The following TYW1B variants were observed in gnomAD, a reference collection of about 807,000 sequenced individuals.
The protein encoded by TYW1B is S-adenosyl-L-methionine-dependent tRNA 4-demethylwyosine synthase TYW1B.
A neutral mutation model predicts 86.9 loss-of-function variants in TYW1B; 73 were observed. That is an observed-to-expected ratio of 0.84 (90% CI 0.70 to 1.02). The LOEUF (loss-of-function observed/expected upper bound fraction) is 1.02, where lower values mean the gene tolerates loss of function less well. Ranked by LOEUF, TYW1B falls within the 50% of genes least tolerant of loss-of-function variation. TYW1B has a pLI of 0.00. For synonymous variants in TYW1B, 248 were observed against 292.8 expected (o/e 0.85, Z 1.56); for missense variants, 637 against 827.4 (o/e 0.77, Z 2.82).
chr7:72,590,017 T>G (rs1405222891), intron 13 of TYW1B, among the ~76,000 whole-genome samples: 1 of 152,198 alleles, frequency 6.6e-6, no homozygotes, highest in African/African-American at 2.4e-5. Context: ...AAGTATAAAT[T>G]TTAAAAATAT....
intron 13 of TYW1B, among the ~76,000 whole-genome samples, chr7:72,591,791 C>G (rs55962801): frequency 0.23 from 34,291 of 151,798 alleles, 4,523 homozygotes; most frequent in African/African-American, 0.37. Flanking sequence ...ATTGTTATAG[C>G]TTTGTTTTGT....
At chr7:72,773,934 G>A (rs542130774) in intron 7 of TYW1B, among the ~76,000 whole-genome samples, 13 of 151,774 alleles carry the variant, frequency 8.6e-5, no homozygotes, top group Admixed American at 5.3e-4. Flanking sequence ...GTGTGGTGGC[G>A]CATGCGTGTA....
At chr7:72,762,061 T>C (rs1364732208) in intron 7 of TYW1B, among the ~76,000 whole-genome samples, 2 of 152,104 alleles carry the variant, frequency 1.3e-5, no homozygotes, top group African/African-American at 2.4e-5. Context: ...AATTTTAAAA[T>C]TTGGTTACCT....
At chr7:72,704,890 TTC>T (rs141692163) in intron 10 of TYW1B, among the ~76,000 whole-genome samples, 98 of 152,002 alleles carry the variant, frequency 6.4e-4, no homozygotes, top group African/African-American at 2.3e-3. Context: ...TCTCTGCACT[TTC>T]TCTCTCTCTC....
intron 11 of TYW1B, among the ~76,000 whole-genome samples, chr7:72,678,046 G>C (rs1395184354): frequency 6.6e-6 from 1 of 152,046 alleles, no homozygotes; most frequent in Non-Finnish European, 1.5e-5. Flanking sequence ...CCTAGCCCAA[G>C]GTGAAGGTAA....
intron 10 of TYW1B, among the ~76,000 whole-genome samples, chr7:72,703,271 G>A (rs1369334700): frequency 1.5e-4 from 23 of 150,874 alleles, no homozygotes; most frequent in African/African-American, 5.6e-4. Context: ...TGATCTGCCC[G>A]CCTCGGCCTC....
At position 72,611,704 on chromosome 7, in the gene TYW1B, T is replaced by A. The variant is rs1554435957; in HGVS notation, c.1785+4968A>T. Among the ~76,000 whole-genome samples, 11 of 152,182 alleles carry A rather than the reference T, an allele frequency of 7.2e-5. No homozygotes were observed. In the South Asian group the frequency reaches 2.1e-3, roughly 29 times the overall value. Reference sequence around the variant, plus strand: ...TTTACTCATCTTTGTATTCTCAGAGTACCCAGCCCTCTGTATTCTCAGAAT... The same window carrying A: ...TTTACTCATCTTTGTATTCTCAGAGAACCCAGCCCTCTGTATTCTCAGAAT... On this transcript the variant is annotated intron_variant, in intron 13 of 13. Transcript: ENST00000620995.
Position 72,632,299 on chromosome 7 carries a change from ACGTG to A in TYW1B, c.1507-3306_1507-3303del, listed in dbSNP as rs369825922. ...TATATATACGTGTATATATATATAT[ACGTG>A]TATATATATTATATATATTATATAT... On this transcript the variant is annotated intron_variant, in intron 11 of 13. Transcript: ENST00000620995. Among the ~76,000 whole-genome samples, 119 of 64,850 alleles carry A rather than the reference ACGTG, an allele frequency of 1.8e-3. 5 individuals carry two copies. Among genetic ancestry groups the A allele is most frequent in the African/African-American group, 9.0e-3 (73 of 8,152 alleles). The allele number at this position is 64,850 out of a possible 152,430, so 42.5% of individuals were successfully genotyped here. A position where few individuals can be genotyped will look rare whatever the true frequency, so the allele number is the denominator to read the frequency against.
At chr7:72,676,395 A>T (rs2129569822) in intron 11 of TYW1B, among the ~76,000 whole-genome samples, 1 of 152,328 alleles carries the variant, frequency 6.6e-6, no homozygotes, top group African/African-American at 2.4e-5. Flanking sequence ...AACTTATGAT[A>T]AGAATGTTCT....
intron 9 of TYW1B, among the ~76,000 whole-genome samples, chr7:72,717,471 T>G (rs1295851862): frequency 6.6e-6 from 1 of 152,004 alleles, no homozygotes; most frequent in African/African-American, 2.4e-5. Context: ...TCCTCATAGA[T>G]AGAGAATGAT....
Position 72,828,152 on chromosome 7 carries a change from C to A in TYW1B, c.-77G>T. Reference sequence around the variant, plus strand: ...GTTCGCACTGGTACTGCGAGACGCACCGAGCTACCTCGCGGCGTTAGCGCC... The same window carrying A: ...GTTCGCACTGGTACTGCGAGACGCAACGAGCTACCTCGCGGCGTTAGCGCC... On this transcript the variant is annotated 5_prime_UTR_variant, in exon 1 of 14. Transcript: ENST00000620995. 6.2e-7 allele frequency: 1 copy of A among 1,602,820 alleles called. No homozygotes were observed. The highest frequency in any genetic ancestry group is 8.5e-7 in the Non-Finnish European group (1 of 1,174,926).
At chr7:72,757,130 G>A (rs573335645) in intron 7 of TYW1B, among the ~76,000 whole-genome samples, 3 of 152,238 alleles carry the variant, frequency 2.0e-5, no homozygotes, top group African/African-American at 4.8e-5. Context: ...CACTTTGGGA[G>A]GTTCAGGTGG....
chr7:72,802,904 A>G (rs1298367171), intron 5 of TYW1B, among the ~76,000 whole-genome samples: 2 of 152,164 alleles, frequency 1.3e-5, no homozygotes, highest in Non-Finnish European at 2.9e-5. Flanking sequence ...TACAGGCGTC[A>G]ACAACAGCGC....
intron 7 of TYW1B, among the ~76,000 whole-genome samples, chr7:72,747,010 C>T (rs1329169275): frequency 2.0e-5 from 3 of 152,074 alleles, no homozygotes; most frequent in Non-Finnish European, 4.4e-5. Context: ...TTGGGAGGAG[C>T]AGTATTTGGG....
At chr7:72,697,031 T>TAAAAAAAAA (rs781801843) in intron 10 of TYW1B, among the ~76,000 whole-genome samples, 1 of 137,958 alleles carries the variant, frequency 7.2e-6, no homozygotes. Context: ...GATTTCTACT[T>TAAAAAAAAA]AAAAAAAAAA....
intron 2 of TYW1B, among the ~76,000 whole-genome samples, chr7:72,816,557 C>T (rs1554479460): frequency 6.6e-6 from 1 of 152,100 alleles, no homozygotes; most frequent in African/African-American, 2.4e-5. Flanking sequence ...ATCTTTTGTA[C>T]GCTAATGAGA....
At chr7:72,678,340 A>G (rs1487668369) in intron 11 of TYW1B, among the ~76,000 whole-genome samples, 5 of 152,164 alleles carry the variant, frequency 3.3e-5, no homozygotes, top group African/African-American at 1.2e-4. Flanking sequence ...TGATAAGGTG[A>G]TATTTGAGTG....
chr7:72,641,742 C>G (rs1168640818), intron 11 of TYW1B, among the ~76,000 whole-genome samples: 1 of 152,118 alleles, frequency 6.6e-6, no homozygotes, highest in African/African-American at 2.4e-5. Flanking sequence ...GATAATTACA[C>G]AAGACTGTAA....
intron 11 of TYW1B, among the ~76,000 whole-genome samples, chr7:72,632,421 A>G (rs1289332767): frequency 1.8e-5 from 2 of 113,290 alleles, no homozygotes; most frequent in Admixed American, 1.1e-4. Flanking sequence ...ACATATATAT[A>G]TAAAATATAT....
Sources: gnomAD v4.1 joint callset for allele counts (sites outside exome capture counted in the v4.1 genomes callset) on GRCh38, gnomAD v4.1.1 for gene constraint, MANE v1.5 for transcripts, NCBI Gene and HGNC (gene_info 2026-07-23, HGNC 2026-07-21) for gene names.